The following RNASE10 variants were observed in gnomAD, a reference collection of about 807,000 sequenced individuals.
RNASE10 encodes the protein ribonuclease A family member 10 (inactive).
RNASE10 carries 2 observed loss-of-function variants against 1.1 expected under a neutral mutation model. That is an observed-to-expected ratio of 1.82 (90% CI 0.74 to 5.73). The LOEUF is 5.73. Among genes scored for constraint, RNASE10 ranks in the 30% most tolerant of loss-of-function variants. The probability of loss-of-function intolerance (pLI) is 0.05; values close to 1 mark genes in which losing one functional copy is unlikely to be tolerated. For missense variants in RNASE10, 276 were observed against 263.4 expected (o/e 1.05, Z -0.33); for synonymous variants, 97 against 96.2 (o/e 1.01, Z -0.05).
chr14:20,508,405 T>A (rs983714515), intron 1 of RNASE10, among the ~76,000 whole-genome samples: 2 of 152,188 alleles, frequency 1.3e-5, no homozygotes, highest in Non-Finnish European at 2.9e-5. Flanking sequence ...TCTCACCGTC[T>A]CACTCCATCC....
At position 20,509,174 on chromosome 14, in the gene RNASE10, C is replaced by T. The variant is rs575507645; in HGVS notation, c.80-1293C>T. On this transcript the variant is annotated intron_variant, in intron 1 of 1. Transcript: ENST00000430083. ...AAGCAATTCTCGTGTCTCAGCTTCC[C>T]CAGTGGCTGGGACTACTGGTGCGTG... 2.0e-5 allele frequency among the ~76,000 whole-genome samples: 3 copies of T among 152,336 alleles called. No individual in the cohort carries two copies. In the East Asian group the frequency reaches 5.8e-4, roughly 29 times the overall value.
chr14:20,511,040 G>A, exon 2 of RNASE10: 2 of 1,545,286 alleles, frequency 1.3e-6, no homozygotes, highest in East Asian at 2.3e-5. Context: ...ACTCCTAACT[G>A]CAATTACCTA....
At chr14:20,513,225 TTTTG>T (rs1433922239), downstream of RNASE10, among the ~76,000 whole-genome samples, 17 of 140,382 alleles carry the variant, frequency 1.2e-4, no homozygotes, top group Admixed American at 1.1e-3. Flanking sequence ...TTTGTTTTGT[TTTTG>T]TTTTTTTTGT....
downstream of RNASE10, among the ~76,000 whole-genome samples, chr14:20,512,008 A>G (rs1018758365): frequency 6.6e-6 from 1 of 152,084 alleles, no homozygotes; most frequent in Non-Finnish European, 1.5e-5. Flanking sequence ...AGTCTGGCAC[A>G]GGGAGTTAGA....
At chr14:20,506,182 T>TGGGG (rs533565506) in intron 1 of RNASE10, among the ~76,000 whole-genome samples, 163 bp downstream of exon 1, 12 of 85,960 alleles carry the variant, frequency 1.4e-4, no homozygotes, top group Non-Finnish European at 2.3e-4. Context: ...GGGAGGGAGG[T>TGGGG]GGGGGGGGGT....
chr14:20,505,702 A>G (rs1218510445), exon 1 of RNASE10: 1 of 99,926 alleles, frequency 1.0e-5, no homozygotes, highest in East Asian at 2.3e-4. Flanking sequence ...GGCCTCCCAA[A>G]GTGCCGAGAT....
chr14:20,508,271 C>A (rs1882804530), intron 1 of RNASE10, among the ~76,000 whole-genome samples: 1 of 152,196 alleles, frequency 6.6e-6, no homozygotes, highest in Non-Finnish European at 1.5e-5. Flanking sequence ...TACAGTGATT[C>A]TCCCTACCCA....
chr14:20,509,377 C>A (rs896118806), intron 1 of RNASE10, among the ~76,000 whole-genome samples: 1 of 152,172 alleles, frequency 6.6e-6, no homozygotes, highest in Non-Finnish European at 1.5e-5. Flanking sequence ...TAGGGGAACC[C>A]CCAGCAGGTC....
chr14:20,506,548 G>T (rs1882726421), intron 1 of RNASE10, among the ~76,000 whole-genome samples: 1 of 113,764 alleles, frequency 8.8e-6, no homozygotes, highest in Admixed American at 8.5e-5. Flanking sequence ...GGGCGCCTCT[G>T]CCCGGCCGCC....
At chr14:20,505,260 T>C (rs867983418), upstream of RNASE10, among the ~76,000 whole-genome samples, 18 of 75,638 alleles carry the variant, frequency 2.4e-4, 1 homozygote, top group African/African-American at 9.2e-4. Flanking sequence ...AAAGTGAGTT[T>C]GCTCCCTCTC....
At position 20,510,478 on chromosome 14, in the gene RNASE10, C is replaced by G. The variant is rs1199235069; in HGVS notation, c.91C>G (p.Leu31Val). 4 of 1,605,688 alleles carry G rather than the reference C, an allele frequency of 2.5e-6. No homozygotes were observed. The South Asian group carries it at 4.5e-5, about 18-fold the overall frequency. Residue 31 changes from leucine to valine, a missense_variant, in exon 2 of 2, where the codon CTG (leucine) becomes GTG (valine). By Grantham distance (32) the Leu-to-Val change is conservative. Transcript: ENST00000430083. ...CGCTTCCTCTCCAGGCAAAATGAAG[C>G]TGAATCTGGTGCAGATCTTTTTCAT...
chr14:20,510,679 C>G (rs755403389), exon 2 of RNASE10: 1 of 1,614,186 alleles, frequency 6.2e-7, no homozygotes, highest in South Asian at 1.1e-5. Context: ...AACGCTGGTG[C>G]TTAGCAACAA....
exon 2 of RNASE10, chr14:20,510,582 T>C: frequency 1.2e-6 from 2 of 1,613,660 alleles, no homozygotes; most frequent in Non-Finnish European, 1.7e-6. Flanking sequence ...TGGAGGAGAG[T>C]GATCAACCGC....
chr14:20,509,099 G>T (rs1048766743), intron 1 of RNASE10, among the ~76,000 whole-genome samples: 1 of 152,166 alleles, frequency 6.6e-6, no homozygotes, highest in Non-Finnish European at 1.5e-5. Flanking sequence ...ATCTCACTCC[G>T]TCACACAGGC....
At chr14:20,513,660 T>C (rs1290441007), downstream of RNASE10, among the ~76,000 whole-genome samples, 1 of 152,252 alleles carries the variant, frequency 6.6e-6, no homozygotes, top group Non-Finnish European at 1.5e-5. Context: ...CATTACATAT[T>C]TCACTGTGGA....
chr14:20,512,283 T>G (rs543435473), downstream of RNASE10, among the ~76,000 whole-genome samples: 1 of 152,334 alleles, frequency 6.6e-6, no homozygotes, highest in East Asian at 1.9e-4. Context: ...AGAGAAGCTG[T>G]GTGGCTGGAT....
intron 1 of RNASE10, among the ~76,000 whole-genome samples, chr14:20,508,887 C>G (rs969455320): frequency 3.3e-5 from 5 of 152,082 alleles, no homozygotes; most frequent in African/African-American, 1.2e-4. Context: ...GGAACATATT[C>G]CCTGTGGATA....
At chr14:20,510,801 T>G (rs1345601591) in exon 2 of RNASE10, 1 of 1,614,028 alleles carries the variant, frequency 6.2e-7, no homozygotes, top group Non-Finnish European at 8.5e-7. Context: ...AAGACTATCT[T>G]AGGCTTGACC....
chr14:20,507,610 TTAAAAAAA>T (rs1470218541), intron 1 of RNASE10, among the ~76,000 whole-genome samples: 1 of 115,476 alleles, frequency 8.7e-6, no homozygotes, highest in African/African-American at 3.9e-5. Context: ...GAATGATCAA[TTAAAAAAA>T]TAAATAAATA....
Sources: gnomAD v4.1 joint callset for allele counts (sites outside exome capture counted in the v4.1 genomes callset) on GRCh38, gnomAD v4.1.1 for gene constraint, MANE v1.5 for transcripts, NCBI Gene and HGNC (gene_info 2026-07-23, HGNC 2026-07-21) for gene names.